DYRK4: variants seen among roughly 807,000 people sequenced by gnomAD.
DYRK4 encodes the protein dual specificity tyrosine-phosphorylation-regulated kinase 4.
Under a neutral mutation model 68.3 loss-of-function variants are expected in DYRK4, and 64 were observed. That is an observed-to-expected ratio of 0.94 (90% CI 0.77 to 1.15). The LOEUF (loss-of-function observed/expected upper bound fraction) is 1.15, where lower values mean the gene tolerates loss of function less well. Ranked by LOEUF, DYRK4 falls within the 50% of genes most tolerant of loss-of-function variation. The pLI is 0.00. For missense variants in DYRK4, 740 were observed against 764.7 expected (o/e 0.97, Z 0.38); for synonymous variants, 274 against 289.9 (o/e 0.95, Z 0.56).
intron 2 of DYRK4, among the ~76,000 whole-genome samples, chr12:4,578,912 A>G (rs993354278): frequency 1.3e-5 from 2 of 152,216 alleles, no homozygotes; most frequent in Non-Finnish European, 1.5e-5. Flanking sequence ...TTGAGAGCCA[A>G]GCATTGTTTT....
At chr12:4,596,442 G>A in intron 7 of DYRK4, 147 bp from the exon 8 acceptor site, 6 of 1,498,718 alleles carry the variant, frequency 4.0e-6, no homozygotes, top group Non-Finnish European at 5.3e-6. Context: ...GGGGCAAAGA[G>A]GAGGTGAGAG....
chr12:4,608,339 A>G (rs962766322), intron 12 of DYRK4, among the ~76,000 whole-genome samples: 8 of 152,164 alleles, frequency 5.3e-5, no homozygotes, highest in Admixed American at 5.2e-4. Context: ...ACAATCCCAG[A>G]CATTCCTGGC....
chr12:4,601,718 C>A (rs1198849479), intron 10 of DYRK4, among the ~76,000 whole-genome samples: 1 of 151,850 alleles, frequency 6.6e-6, no homozygotes, highest in Non-Finnish European at 1.5e-5. Context: ...ACATATATAT[C>A]TTTTTTTTAG....
chr12:4,602,377 G>A, intron 10 of DYRK4: 2 of 900,954 alleles, frequency 2.2e-6, no homozygotes, highest in Non-Finnish European at 1.8e-6. Flanking sequence ...TTCTCGTTTT[G>A]TAGTTCTTTC....
intron 2 of DYRK4, chr12:4,573,229 C>A: frequency 1.0e-6 from 1 of 996,220 alleles, no homozygotes; most frequent in Non-Finnish European, 1.4e-6. Context: ...GAATCAGTGG[C>A]TCAATGAAGA....
chr12:4,607,569 G>A (rs1363071735), intron 12 of DYRK4, among the ~76,000 whole-genome samples, 182 bp downstream of exon 12: 1 of 152,212 alleles, frequency 6.6e-6, no homozygotes, highest in Non-Finnish European at 1.5e-5. Context: ...GGATGGGGGA[G>A]TCACAGTGGG....
Position 4,613,379 on chromosome 12 carries a change from G to A in DYRK4, c.1667-136G>A. On this transcript the variant is annotated intron_variant, in intron 14 of 14. Coordinates refer to ENST00000543431, the MANE Select transcript of DYRK4 (RefSeq NM_001394779.1). The surrounding 1 kb of genome is among the most constrained non-coding windows in gnomAD (Gnocchi z 4.0). Reference sequence around the variant, plus strand: ...GCTTAGAATAATGCCCGGCACATTGGAGGTGCTTTACAAATGAACTGTTTT... The same window carrying A: ...GCTTAGAATAATGCCCGGCACATTGAAGGTGCTTTACAAATGAACTGTTTT... 1 of 1,124,922 alleles carries A rather than the reference G, an allele frequency of 8.9e-7. No individual in the cohort carries two copies. Among genetic ancestry groups the A allele is most frequent in the South Asian group, 1.7e-5 (1 of 57,214 alleles). 69.7% of individuals were successfully genotyped at this position (1,124,922 alleles called of 1,614,324 possible).
intron 11 of DYRK4, among the ~76,000 whole-genome samples, chr12:4,605,415 A>G (rs955822642): frequency 6.6e-6 from 1 of 152,164 alleles, no homozygotes; most frequent in African/African-American, 2.4e-5. Context: ...ATTAAAATCT[A>G]TCTGATAGTA....
chr12:4,568,941 A>G lies in DYRK4; in HGVS notation c.132+893A>G, dbSNP rs143912011. Among the ~76,000 whole-genome samples the G allele has an allele frequency of 3.9e-3, 592 of 152,358 alleles. 18 individuals carry two copies. The highest frequency in any genetic ancestry group is 0.035 in the Admixed American group (533 of 15,298). On this transcript the variant is annotated intron_variant, in intron 2 of 14. Transcript: ENST00000543431. ...TTCACAGCAAACTTCAGCCCAAAGCATTCAGGTTTGACTTCTGAATCCTGC... is the reference window on the plus strand; with the variant it reads ...TTCACAGCAAACTTCAGCCCAAAGCGTTCAGGTTTGACTTCTGAATCCTGC...
intron 2 of DYRK4, among the ~76,000 whole-genome samples, chr12:4,582,057 T>C (rs1319150739): frequency 6.6e-6 from 1 of 152,218 alleles, no homozygotes; most frequent in Non-Finnish European, 1.5e-5. Flanking sequence ...GTGGTGTCAT[T>C]GTCGGCACTC....
intron 8 of DYRK4, chr12:4,597,173 A>G: frequency 1.9e-6 from 2 of 1,027,776 alleles, no homozygotes; most frequent in Non-Finnish European, 2.3e-6. Flanking sequence ...GGACAAGAGC[A>G]GATATTTTTG....
chr12:4,564,181 A>G (rs760820609), intron 1 of DYRK4, among the ~76,000 whole-genome samples: 1 of 152,250 alleles, frequency 6.6e-6, no homozygotes, highest in Non-Finnish European at 1.5e-5. Flanking sequence ...GATAGAAGAA[A>G]TAAGACCTAG....
chr12:4,585,633 T>G (rs2137351616), intron 2 of DYRK4, among the ~76,000 whole-genome samples: 2 of 148,690 alleles, frequency 1.3e-5, no homozygotes, highest in African/African-American at 2.5e-5. Context: ...TGTTGTGGGG[T>G]GGGGGGAGCG....
At chr12:4,594,983 T>C (rs927710824) in intron 6 of DYRK4, among the ~76,000 whole-genome samples, 12 of 152,222 alleles carry the variant, frequency 7.9e-5, no homozygotes, top group African/African-American at 2.9e-4. Flanking sequence ...ACAAAATGGT[T>C]TTTGCTTCAA....
At chr12:4,592,861 C>T in intron 5 of DYRK4, 141 bp from the exon 6 acceptor site, 2 of 843,982 alleles carry the variant, frequency 2.4e-6, no homozygotes, top group Non-Finnish European at 3.7e-6. Context: ...TTGTGAGATG[C>T]CAGATGCAGG....
intron 1 of DYRK4, among the ~76,000 whole-genome samples, 188 bp from the exon 2 acceptor site, chr12:4,567,767 G>A (rs1343322588): frequency 6.6e-6 from 1 of 152,084 alleles, no homozygotes; most frequent in Non-Finnish European, 1.5e-5. Context: ...CCTGGCTTCT[G>A]TCTGACCTCC....
At chr12:4,565,007 T>C (rs1419646238) in intron 1 of DYRK4, among the ~76,000 whole-genome samples, 1 of 152,344 alleles carries the variant, frequency 6.6e-6, no homozygotes, top group Non-Finnish European at 1.5e-5. Flanking sequence ...AGAACTCCGA[T>C]CTGCATGTAA....
intron 3 of DYRK4, 107 bp from the exon 4 acceptor site, chr12:4,590,223 A>C (rs1944938145): frequency 6.9e-7 from 1 of 1,446,492 alleles, no homozygotes; most frequent in Non-Finnish European, 9.0e-7. Context: ...GATTGGGGTT[A>C]GGCTCATTCT....
chr12:4,585,035 C>T (rs1374637331), intron 2 of DYRK4, among the ~76,000 whole-genome samples: 4 of 152,164 alleles, frequency 2.6e-5, no homozygotes, highest in Non-Finnish European at 5.9e-5. Context: ...TGGGTCAGGA[C>T]TTGAGACTGG....
Sources: gnomAD v4.1 joint callset for allele counts (sites outside exome capture counted in the v4.1 genomes callset) on GRCh38, gnomAD v4.1.1 for gene constraint, Gnocchi (gnomAD v3.1) non-coding constraint, MANE v1.5 for transcripts, NCBI Gene and HGNC (gene_info 2026-07-23, HGNC 2026-07-21) for gene names.